ATP2C1: variants seen among roughly 807,000 people sequenced by gnomAD.
The protein encoded by ATP2C1 is calcium-transporting ATPase type 2C member 1.
Under a neutral mutation model 120.5 loss-of-function variants are expected in ATP2C1, and 31 were observed. The observed-to-expected ratio is 0.26, with a 90% confidence interval of 0.19 to 0.35. The LOEUF is 0.35. ATP2C1 is among the 10% of genes least tolerant of loss of function. The pLI, the probability that ATP2C1 is intolerant of heterozygous loss-of-function variation, is 1.00. For missense variants in ATP2C1, 731 were observed against 1,107.5 expected, an observed-to-expected ratio of 0.66 and a Z score of 4.83; for synonymous variants, 351 against 358.7, an observed-to-expected ratio of 0.98 and a Z score of 0.24.
chr3:130,894,165 C>CCCCAAAACCCA lies in ATP2C1; in HGVS notation c.-352_-351insCCAAAACCCAC. 1.2e-6 allele frequency: 1 copy of CCCCAAAACCCA among 826,312 alleles called. No homozygotes were observed. Among genetic ancestry groups the CCCCAAAACCCA allele is most frequent in the Non-Finnish European group, 1.5e-6 (1 of 684,818 alleles). The allele number at this position is 826,312 out of a possible 1,614,324, so 51.2% of individuals were successfully genotyped here. ...CCTCTTCTCTCCCCTCCCCGCCCGC[C>CCCCAAAACCCA]CTCTCTCCCTCCCTTCCTCCCTCCC... is the stretch of plus-strand genomic sequence containing the variant. On this transcript the variant is annotated 5_prime_UTR_variant, in exon 1 of 28. Transcript: ENST00000510168. The surrounding 1 kb of genome is among the most constrained non-coding windows in gnomAD (Gnocchi z 4.5).
At chr3:130,948,587 GT>G (rs971959326) in intron 8 of ATP2C1, among the ~76,000 whole-genome samples, 1 of 151,428 alleles carries the variant, frequency 6.6e-6, no homozygotes, top group African/African-American at 2.4e-5. Flanking sequence ...CTTTCATCAA[GT>G]TGGGGAAGTT....
At chr3:130,988,361 CATAAG>C (rs1303617750) in intron 20 of ATP2C1, among the ~76,000 whole-genome samples, 8 of 152,110 alleles carry the variant, frequency 5.3e-5, no homozygotes. Context: ...AAGGAGGACT[CATAAG>C]AAGAGAAAAA....
In ATP2C1 at chr3:130,894,089, A is replaced by G. The variant is rs1004996479; in HGVS notation, c.-429A>G. The G allele has an allele frequency of 5.9e-5, 58 of 978,252 alleles. No individual in the cohort carries two copies. The highest frequency in any genetic ancestry group is 5.2e-4 in the Middle Eastern group (1 of 1,930). The allele number at this position is 978,252 out of a possible 1,614,324, so 60.6% of individuals were successfully genotyped here. ...CAGGAGTCGGAGGCGGGAGCAGACC[A>G]GCACGGCCTCGCGGAGCCGGCCCGG... On this transcript the variant is annotated 5_prime_UTR_variant, in exon 1 of 28. Coordinates refer to ENST00000510168, the MANE Select transcript of ATP2C1 (RefSeq NM_001378687.1). The surrounding 1 kb of genome is among the most constrained non-coding windows in gnomAD (Gnocchi z 4.5).
At chr3:130,980,239 G>T (rs1417836616) in intron 19 of ATP2C1, among the ~76,000 whole-genome samples, 2 of 151,138 alleles carry the variant, frequency 1.3e-5, no homozygotes, top group African/African-American at 4.9e-5. Context: ...AGCTTAAATA[G>T]TCAAAATTCT....
rs1174282509 is a variant in ATP2C1, at chr3:130,985,710, T to C, written c.1839+5031T>C. ...CAGCAAAAAACCTAAAAAGAAAATATGACATGGAAAAGCATATTACAGAGA... is the reference window on the plus strand; with the variant it reads ...CAGCAAAAAACCTAAAAAGAAAATACGACATGGAAAAGCATATTACAGAGA... On this transcript the variant is annotated intron_variant, in intron 20 of 27. Transcript: ENST00000510168. 3.2e-5 allele frequency among the ~76,000 whole-genome samples: 4 copies of C among 126,570 alleles called. No individual in the cohort carries two copies. In the South Asian group the frequency reaches 7.3e-4, roughly 23 times the overall value. The allele number at this position is 126,570 out of a possible 152,430, so 83.0% of individuals were successfully genotyped here. A position where few individuals can be genotyped will look rare whatever the true frequency, so the allele number is the denominator to read the frequency against.
At chr3:130,963,930 G>A (rs1348099056) in intron 12 of ATP2C1, 41 bp from the exon 13 acceptor site, 1 of 1,610,990 alleles carries the variant, frequency 6.2e-7, no homozygotes, top group East Asian at 2.2e-5. Flanking sequence ...TGTGAGTGCT[G>A]TTTAACCTAC....
intron 1 of ATP2C1, among the ~76,000 whole-genome samples, chr3:130,875,420 C>G (rs1402593421): frequency 6.6e-6 from 1 of 152,176 alleles, no homozygotes; most frequent in East Asian, 1.9e-4. Flanking sequence ...ACATAACATC[C>G]TCCAGGTTCA....
chr3:130,985,853 A>G (rs1034631989), intron 20 of ATP2C1, among the ~76,000 whole-genome samples: 2 of 151,766 alleles, frequency 1.3e-5, no homozygotes, highest in East Asian at 2.0e-4. Flanking sequence ...CTTTAAGAAC[A>G]TGGCTGTCAG....
At chr3:130,890,769 C>T (rs553070464), upstream of ATP2C1, among the ~76,000 whole-genome samples, 59 of 152,292 alleles carry the variant, frequency 3.9e-4, no homozygotes, top group African/African-American at 1.3e-3. Context: ...GAACTGATTT[C>T]GTACAACACT....
intron 20 of ATP2C1, among the ~76,000 whole-genome samples, chr3:130,985,405 G>A (rs2061953910): frequency 6.6e-6 from 1 of 152,170 alleles, no homozygotes; most frequent in Non-Finnish European, 1.5e-5. Flanking sequence ...GGCTGAGGTG[G>A]ATGGATTGCC....
At position 130,873,938 on chromosome 3, in the gene ATP2C1, C is replaced by T. The variant is rs1389469279; in HGVS notation, c.108+23010C>T. ...CAGCCTGACCAACATGGTGAAACCC[C>T]GTCTCTACTAAAAATACAAAAATTA... On this transcript the variant is annotated intron_variant, in intron 1 of 26. Transcript: ENST00000504381. Among the ~76,000 whole-genome samples the T allele has an allele frequency of 3.9e-5, 6 of 151,928 alleles. No individual in the cohort carries two copies. The South Asian group carries it at 6.2e-4, about 16-fold the overall frequency.
chr3:130,879,408 C>T (rs1178771841), intron 1 of ATP2C1, among the ~76,000 whole-genome samples: 1 of 152,026 alleles, frequency 6.6e-6, no homozygotes, highest in Non-Finnish European at 1.5e-5. Flanking sequence ...AAATGTACCT[C>T]TGTTGAATTT....
chr3:130,850,996 A>G (rs1172969180), intron 1 of ATP2C1: 1 of 885,730 alleles, frequency 1.1e-6, no homozygotes, highest in Admixed American at 4.0e-5. Context: ...TACGTCGCTT[A>G]GTGATTTCAT....
chr3:130,949,156 G>A (rs1053223716), intron 8 of ATP2C1, among the ~76,000 whole-genome samples: 1 of 152,186 alleles, frequency 6.6e-6, no homozygotes, highest in Non-Finnish European at 1.5e-5. Context: ...AGGAATGCAT[G>A]TCAAAAGCTA....
chr3:131,001,777 A>C lies in ATP2C1; in HGVS notation c.*427A>C. The C allele has an allele frequency of 3.0e-6, 3 of 983,998 alleles. No individual in the cohort carries two copies. The highest frequency in any genetic ancestry group is 3.6e-6 in the Non-Finnish European group (3 of 828,210). The allele number at this position is 983,998 out of a possible 1,614,324, so 61.0% of individuals were successfully genotyped here. A position where few individuals can be genotyped will look rare whatever the true frequency, so the allele number is the denominator to read the frequency against. On this transcript the variant is annotated 3_prime_UTR_variant, in exon 28 of 28. Transcript: ENST00000510168. ...AAATAAATTTAATCATTTCAAAGGC[A>C]TTCTATTTGGTTTAGAAGTTGATTC...
At chr3:130,889,638 C>CTTTTTTTTTTTTT (rs1170424148), upstream of ATP2C1, among the ~76,000 whole-genome samples, 2 of 77,650 alleles carry the variant, frequency 2.6e-5, no homozygotes. Flanking sequence ...ATTCTTTAAA[C>CTTTTTTTTTTTTT]TTTTTTTTTT....
At chr3:131,016,423 A>G (rs1038004800) in exon 27 of ATP2C1, 5 of 1,423,540 alleles carry the variant, frequency 3.5e-6, no homozygotes, top group East Asian at 2.3e-5. Flanking sequence ...TACAAATTCT[A>G]TAAAGAAAGA....
At chr3:130,961,285 A>G (rs2060809314) in intron 12 of ATP2C1, among the ~76,000 whole-genome samples, 1 of 151,166 alleles carries the variant, frequency 6.6e-6, no homozygotes, top group Admixed American at 6.6e-5. Context: ...GTACAGATTG[A>G]CATATCATAA....
intron 14 of ATP2C1, among the ~76,000 whole-genome samples, chr3:130,966,379 ATT>A (rs1480270509): frequency 6.6e-6 from 1 of 152,088 alleles, no homozygotes; most frequent in African/African-American, 2.4e-5. Flanking sequence ...TGCATTAACT[ATT>A]TGTTAATTGT....
Sources: allele counts gnomAD v4.1 joint callset (sites outside exome capture counted in the v4.1 genomes callset), GRCh38; gene constraint gnomAD v4.1.1; non-coding constraint Gnocchi (gnomAD v3.1); transcripts MANE v1.5; gene names NCBI Gene and HGNC (gene_info 2026-07-23, HGNC 2026-07-21).